The following PTPRS variants were observed in gnomAD, a reference collection of about 807,000 sequenced individuals.
The protein encoded by PTPRS is receptor-type tyrosine-protein phosphatase S.
A neutral mutation model predicts 215.3 loss-of-function variants in PTPRS; 63 were observed. The observed-to-expected ratio is 0.29, with a 90% confidence interval of 0.24 to 0.36. The LOEUF (loss-of-function observed/expected upper bound fraction) is 0.36. Among genes scored for constraint, PTPRS ranks in the 10% least tolerant of loss-of-function variants. PTPRS has a pLI of 1.00. For synonymous variants in PTPRS, 1,404 were observed against 1,191.4 expected, an observed-to-expected ratio of 1.18 and a Z score of -3.68; for missense variants, 2,258 against 2,825.8, an observed-to-expected ratio of 0.80 and a Z score of 4.56.
chr19:5,330,043 C>T (rs563043440), intron 1 of PTPRS, among the ~76,000 whole-genome samples: 2 of 150,046 alleles, frequency 1.3e-5, no homozygotes, highest in African/African-American at 4.9e-5. Context: ...CGCCATTGCA[C>T]TCCAGCCTGG....
In PTPRS at chr19:5,232,640, G is replaced by A. The variant is rs114668517; in HGVS notation, c.1850-1025C>T. 4.7e-3 allele frequency among the ~76,000 whole-genome samples: 699 copies of A among 150,228 alleles called. 3 individuals are homozygous for A. The highest frequency in any genetic ancestry group is 0.016 in the African/African-American group (653 of 40,756). On this transcript the variant is annotated intron_variant, in intron 13 of 37. Transcript: ENST00000262963. ...GCTCCATTCATTAAGCACCTACTAT[G>A]TGCCAGGCATCATGCCAAGGGGAAT...
intron 7 of PTPRS, among the ~76,000 whole-genome samples, chr19:5,260,425 C>A (rs1349563908): frequency 2.0e-5 from 3 of 152,180 alleles, no homozygotes. Context: ...GGTGATTCAC[C>A]TGCCTCGGCC....
chr19:5,334,851 C>T (rs900923663), intron 1 of PTPRS, among the ~76,000 whole-genome samples: 4 of 152,164 alleles, frequency 2.6e-5, no homozygotes, highest in East Asian at 1.9e-4. Flanking sequence ...ACAGCAACTC[C>T]GCTGACAGGG....
chr19:5,265,943 A>G (rs944138109), intron 4 of PTPRS, among the ~76,000 whole-genome samples: 6 of 152,182 alleles, frequency 3.9e-5, no homozygotes, highest in Non-Finnish European at 8.8e-5. Context: ...ATCTTTTAAA[A>G]AATTTTTAAA....
chr19:5,207,857 A>G (rs2040505556), intron 37 of PTPRS, 65 bp downstream of exon 37: 4 of 1,585,360 alleles, frequency 2.5e-6, no homozygotes, highest in Non-Finnish European at 3.4e-6. Context: ...CAGAGGAGGA[A>G]ACTGGAGCTT....
At chr19:5,311,619 A>G (rs1288982620) in intron 1 of PTPRS, among the ~76,000 whole-genome samples, 1 of 152,170 alleles carries the variant, frequency 6.6e-6, no homozygotes, top group East Asian at 1.9e-4. Flanking sequence ...AGCCAAGGAA[A>G]GAAAAAGAAC....
At chr19:5,277,588 GAAGCTTGC>G (rs1467470791) in intron 2 of PTPRS, 2 of 302,958 alleles carry the variant, frequency 6.6e-6, no homozygotes, top group Non-Finnish European at 1.2e-5. Context: ...CCCAGGAGGC[GAAGCTTGC>G]AGTGAGCCGA....
intron 1 of PTPRS, among the ~76,000 whole-genome samples, chr19:5,326,601 G>A (rs548142577): frequency 3.3e-5 from 5 of 151,950 alleles, no homozygotes; most frequent in South Asian, 2.1e-4. Flanking sequence ...CGGGAGGATC[G>A]CCTGAGCCCA....
intron 1 of PTPRS, among the ~76,000 whole-genome samples, chr19:5,308,207 G>C (rs973536941): frequency 2.6e-5 from 4 of 152,218 alleles, no homozygotes; most frequent in African/African-American, 9.6e-5. Context: ...GCCACGCCCG[G>C]AGGGCCTGGT....
intron 1 of PTPRS, among the ~76,000 whole-genome samples, chr19:5,335,098 C>G (rs940846442): frequency 6.6e-6 from 1 of 152,188 alleles, no homozygotes; most frequent in South Asian, 2.1e-4. Context: ...CACGTGACAG[C>G]GCGACGATGG....
chr19:5,218,336 G>A, intron 25 of PTPRS, 84 bp downstream of exon 25: 1 of 1,283,656 alleles, frequency 7.8e-7, no homozygotes, highest in Non-Finnish European at 1.1e-6. Context: ...GGGCCAATGA[G>A]GGGCCCCCAG....
intron 4 of PTPRS, among the ~76,000 whole-genome samples, chr19:5,266,845 G>A (rs530789878): frequency 1.5e-4 from 23 of 151,980 alleles, no homozygotes; most frequent in Admixed American, 2.0e-4. Context: ...CCCCTCCCTC[G>A]GGTCACCTGT....
intron 2 of PTPRS, among the ~76,000 whole-genome samples, chr19:5,284,308 C>G (rs35269867): frequency 1.3e-5 from 2 of 151,046 alleles, no homozygotes; most frequent in African/African-American, 4.9e-5. Context: ...TGCAGTGAGC[C>G]GAGACTGCGC....
Position 5,221,236 on chromosome 19 carries a change from G to A in PTPRS, c.3219C>T (p.Leu1073=). Reference sequence around the variant, plus strand: ...TGGTACGGCCATCCACATCCAGTGTGAGCCCATTGTACTGGATCTGCGGAC... The same window carrying A: ...TGGTACGGCCATCCACATCCAGTGTAAGCCCATTGTACTGGATCTGCGGAC... ...PTPYKIQYNG[L]TLDVDGRTTK... The change falls in exon 20 of 38, where the codon CTC becomes CTT. Residue 1073 remains leucine (L), a synonymous_variant. Transcript: ENST00000262963. The A allele has an allele frequency of 6.2e-7, 1 of 1,613,498 alleles. No individual in the cohort carries two copies. The highest frequency in any genetic ancestry group is 8.5e-7 in the Non-Finnish European group (1 of 1,179,670).
chr19:5,216,505 ACATACACAC>A, intron 26 of PTPRS, among the ~76,000 whole-genome samples: 1 of 144,010 alleles, frequency 6.9e-6, no homozygotes, highest in South Asian at 2.3e-4. Flanking sequence ...CCTGACACAC[ACATACACAC>A]CACACACACA....
chr19:5,277,809 G>A, intron 2 of PTPRS: 1 of 754,960 alleles, frequency 1.3e-6, no homozygotes, highest in Non-Finnish European at 2.4e-6. Flanking sequence ...GCACCAGTCA[G>A]ACCAATATGT....
Position 5,286,225 on chromosome 19 carries a change from G to T in PTPRS, c.-85C>A, listed in dbSNP as rs769893058. On this transcript the variant is annotated 5_prime_UTR_variant, in exon 2 of 38. Transcript: ENST00000262963. ...AGAGGCCTCGAGCCGAGCGTCAGAT[G>T]GGGCAACGTCTGCAGAGACAATGGA... 6.9e-7 allele frequency: 1 copy of T among 1,457,338 alleles called. No individual in the cohort carries two copies. The highest frequency in any genetic ancestry group is 1.7e-4 in the Middle Eastern group (1 of 5,770). The allele number at this position is 1,457,338 out of a possible 1,614,324, so 90.3% of individuals were successfully genotyped here. A position where few individuals can be genotyped will look rare whatever the true frequency, so the allele number is the denominator to read the frequency against.
chr19:5,266,880 C>T (rs535875364), intron 4 of PTPRS, among the ~76,000 whole-genome samples: 20 of 152,242 alleles, frequency 1.3e-4, no homozygotes, highest in African/African-American at 2.4e-4. Context: ...CTGGAATCCC[C>T]GTTCCCACAT....
intron 18 of PTPRS, 90 bp from the exon 19 acceptor site, chr19:5,222,310 G>T: frequency 9.2e-7 from 1 of 1,081,280 alleles, no homozygotes; most frequent in Non-Finnish European, 1.4e-6. Flanking sequence ...GTGGGGTGGG[G>T]CGGCCCAGGC....
Sources: gnomAD v4.1 joint callset for allele counts (sites outside exome capture counted in the v4.1 genomes callset) on GRCh38, gnomAD v4.1.1 for gene constraint, MANE v1.5 for transcripts, NCBI Gene and HGNC (gene_info 2026-07-23, HGNC 2026-07-21) for gene names.